PRKAR2B: variants seen among roughly 807,000 people sequenced by gnomAD.
The protein encoded by PRKAR2B is protein kinase cAMP-dependent type II regulatory subunit beta.
A neutral mutation model predicts 49.9 loss-of-function variants in PRKAR2B; 14 were observed. The observed-to-expected ratio is 0.28, with a 90% confidence interval of 0.19 to 0.44. The LOEUF (loss-of-function observed/expected upper bound fraction) is 0.44. Ranked by LOEUF, PRKAR2B falls within the 20% of genes least tolerant of loss-of-function variation. The pLI is 1.00. For missense variants in PRKAR2B, 393 were observed against 537.9 expected (o/e 0.73, Z 2.67); for synonymous variants, 196 against 197.7 (o/e 0.99, Z 0.07).
intron 1 of PRKAR2B, among the ~76,000 whole-genome samples, chr7:107,058,647 C>T (rs1031850174): frequency 2.0e-5 from 3 of 152,030 alleles, no homozygotes; most frequent in African/African-American, 7.2e-5. Flanking sequence ...ATAATAATTC[C>T]TTGAAATACC....
At chr7:107,122,327 C>T (rs757606806) in intron 3 of PRKAR2B, among the ~76,000 whole-genome samples, 12 of 152,148 alleles carry the variant, frequency 7.9e-5, no homozygotes, top group Non-Finnish European at 1.0e-4. Flanking sequence ...AGACCTTCTA[C>T]GCCTATTAAT....
intron 4 of PRKAR2B, among the ~76,000 whole-genome samples, chr7:107,136,674 A>G (rs1227427944): frequency 6.6e-6 from 1 of 152,256 alleles, no homozygotes; most frequent in African/African-American, 2.4e-5. Flanking sequence ...GCTGGTGAAC[A>G]TAGGTGGTTC....
intron 1 of PRKAR2B, among the ~76,000 whole-genome samples, chr7:107,057,743 A>G (rs757269764): frequency 1.3e-5 from 2 of 152,148 alleles, no homozygotes; most frequent in African/African-American, 4.8e-5. Flanking sequence ...AGTACCTGGC[A>G]TACGCTAAGC....
chr7:107,152,412 C>T (rs1371041078), intron 7 of PRKAR2B, among the ~76,000 whole-genome samples: 1 of 152,204 alleles, frequency 6.6e-6, no homozygotes, highest in Non-Finnish European at 1.5e-5. Flanking sequence ...TGTCTTCCTA[C>T]ACAGCTGCAG....
chr7:107,099,483 G>A (rs948096735), intron 2 of PRKAR2B, among the ~76,000 whole-genome samples: 14 of 152,030 alleles, frequency 9.2e-5, no homozygotes, highest in Non-Finnish European at 1.3e-4. Context: ...GCGATGCCCC[G>A]CCCTGCACCG....
rs1795756669 is a variant in PRKAR2B at position 107,139,609 on chromosome 7, C to T, written c.481-1238C>T. On this transcript the variant is annotated intron_variant, in intron 4 of 10. Transcript: ENST00000265717. ...TGCTCTGCAAGGCATGTTGGCCCCT[C>T]CACACTGCAGTCTCACCTGTGCGAC... Among the ~76,000 whole-genome samples the T allele has an allele frequency of 2.6e-5, 4 of 152,314 alleles. No homozygotes were observed. In the South Asian group the frequency reaches 8.3e-4, roughly 32 times the overall value.
chr7:107,149,308 A>G (rs574230231), intron 6 of PRKAR2B, among the ~76,000 whole-genome samples: 20 of 152,296 alleles, frequency 1.3e-4, no homozygotes, highest in African/African-American at 4.6e-4. Flanking sequence ...GGGAAACAAG[A>G]TGTTTAATTT....
chr7:107,115,200 C>G (rs1002804694), intron 2 of PRKAR2B, among the ~76,000 whole-genome samples: 2 of 151,872 alleles, frequency 1.3e-5, no homozygotes, highest in African/African-American at 4.8e-5. Flanking sequence ...CATTGATAAC[C>G]TTGGGGAGAG....
intron 2 of PRKAR2B, among the ~76,000 whole-genome samples, chr7:107,100,278 T>C (rs1186501403): frequency 6.6e-6 from 1 of 152,218 alleles, no homozygotes; most frequent in Non-Finnish European, 1.5e-5. Context: ...AAATAGAGAA[T>C]TCTTGGGCAA....
intron 1 of PRKAR2B, among the ~76,000 whole-genome samples, chr7:107,046,277 A>G (rs78945331): frequency 0.026 from 4,017 of 152,306 alleles, 169 homozygotes; most frequent in African/African-American, 0.092. Flanking sequence ...GTGTAAGGCA[A>G]ACATGCATGC....
chr7:107,062,236 A>G (rs202000469), intron 1 of PRKAR2B, among the ~76,000 whole-genome samples: 1 of 152,216 alleles, frequency 6.6e-6, no homozygotes, highest in African/African-American at 2.4e-5. Flanking sequence ...TTATTCAACC[A>G]AAGTTATTGT....
chr7:107,059,696 A>ATGTGTG (rs10692192), intron 1 of PRKAR2B, among the ~76,000 whole-genome samples: 64,577 of 149,442 alleles, frequency 0.43, 14,069 homozygotes, highest in South Asian at 0.59. Flanking sequence ...GCTGTAGTGA[A>ATGTGTG]TGTGTGTGTG....
Position 107,124,916 on chromosome 7 carries a change from GGTCTCCTTT to G in PRKAR2B, c.396+2914_396+2922del, listed in dbSNP as rs577169839. On this transcript the variant is annotated intron_variant, in intron 3 of 10. Coordinates refer to ENST00000265717, the MANE Select transcript of PRKAR2B (RefSeq NM_002736.3). ...TATTTTAGGCTTTGGGGAGTCATGGGGTCTCCTTTGCAACTACTCAGTTCTGCTATAGTA... is the reference window on the plus strand; with the variant it reads ...TATTTTAGGCTTTGGGGAGTCATGGGGCAACTACTCAGTTCTGCTATAGTA... Among the ~76,000 whole-genome samples, 140 of 151,940 alleles carry G rather than the reference GGTCTCCTTT, an allele frequency of 9.2e-4. No individual in the cohort carries two copies. The Middle Eastern group carries it at 0.01, about 11-fold the overall frequency.
chr7:107,055,837 A>G (rs533976716), intron 1 of PRKAR2B, among the ~76,000 whole-genome samples: 10 of 152,268 alleles, frequency 6.6e-5, no homozygotes, highest in East Asian at 3.9e-4. Context: ...TCATTTGTCA[A>G]TTTTGGCTTT....
chr7:107,081,471 C>T (rs1256574535), intron 2 of PRKAR2B, among the ~76,000 whole-genome samples: 1 of 127,832 alleles, frequency 7.8e-6, no homozygotes, highest in East Asian at 2.5e-4. Flanking sequence ...GAATGTTAGT[C>T]TCATCTCTGA....
At chr7:107,123,249 T>C (rs1327176711) in intron 3 of PRKAR2B, among the ~76,000 whole-genome samples, 3 of 152,190 alleles carry the variant, frequency 2.0e-5, no homozygotes, top group Non-Finnish European at 2.9e-5. Context: ...CAGTATCTCA[T>C]TGATTCAAAA....
At chr7:107,143,805 G>A (rs1046238940) in intron 5 of PRKAR2B, among the ~76,000 whole-genome samples, 4 of 152,050 alleles carry the variant, frequency 2.6e-5, no homozygotes, top group Admixed American at 6.6e-5. Context: ...GTGTGTATAA[G>A]GTATATATGA....
chr7:107,112,521 A>G (rs1795196205), intron 2 of PRKAR2B, among the ~76,000 whole-genome samples: 1 of 152,154 alleles, frequency 6.6e-6, no homozygotes, highest in East Asian at 1.9e-4. Flanking sequence ...AGCCACTTAA[A>G]AATTGTTTTA....
chr7:107,067,464 C>G (rs1794175550), intron 1 of PRKAR2B: 1 of 152,000 alleles, frequency 6.6e-6, no homozygotes, highest in African/African-American at 2.4e-5. Context: ...ATCCTATGCC[C>G]CATTTACTGT....
Sources: allele counts gnomAD v4.1 joint callset (sites outside exome capture counted in the v4.1 genomes callset), GRCh38; gene constraint gnomAD v4.1.1; transcripts MANE v1.5; gene names NCBI Gene and HGNC (gene_info 2026-07-23, HGNC 2026-07-21).